Variants in PGBD2 observed in about 807,000 individuals in gnomAD.
PGBD2 encodes the protein piggyBac transposable element derived 2.
Under a neutral mutation model 8.1 loss-of-function variants are expected in PGBD2, and 6 were observed. That is an observed-to-expected ratio of 0.74 (90% CI 0.40 to 1.46). The LOEUF is 1.46. Among genes scored for constraint, PGBD2 ranks in the 40% most tolerant of loss-of-function variants. PGBD2 has a pLI of 0.02. For synonymous variants in PGBD2, 318 were observed against 272.2 expected (o/e 1.17, Z -1.66); for missense variants, 802 against 739.0 (o/e 1.09, Z -0.99).
At chr1:248,882,289 T>G in the PGBD2 span, among the ~76,000 whole-genome samples, 12,769 of 152,148 alleles carry the variant, frequency 0.084, 1,288 homozygotes, top group African/African-American at 0.24. Context: ...ATTATGAGGT[T>G]AGATGGTCAC....
chr1:248,888,495 T>C, the PGBD2 span, among the ~76,000 whole-genome samples: 1 of 152,242 alleles, frequency 6.6e-6, no homozygotes, highest in African/African-American at 2.4e-5. Context: ...CTCTGATGAT[T>C]AGTGATGTTG....
At chr1:248,877,080 T>G in the PGBD2 span, among the ~76,000 whole-genome samples, 2 of 152,182 alleles carry the variant, frequency 1.3e-5, no homozygotes, top group Admixed American at 1.3e-4. Flanking sequence ...TGTAATTCAT[T>G]AAAACAATAT....
chr1:248,913,850 T>C lies in PGBD2; in HGVS notation c.-13T>C. 2 of 1,607,334 alleles carry C rather than the reference T, an allele frequency of 1.2e-6. No individual in the cohort carries two copies. The highest frequency in any genetic ancestry group is 1.7e-4 in the Middle Eastern group (1 of 6,056). ...CTCTGTGAGTAAAGACAGCTTCATC[T>C]TCCCAGTTCATCATGGCTTCAACAT... On this transcript the variant is annotated 5_prime_UTR_variant, in exon 2 of 3. Transcript: ENST00000329291.
At position 248,918,861 on chromosome 1, in the gene PGBD2, G is replaced by A. The variant is rs982313839; in HGVS notation, c.*498G>A. On this transcript the variant is annotated 3_prime_UTR_variant, in exon 3 of 3. Coordinates refer to ENST00000329291, the MANE Select transcript of PGBD2 (RefSeq NM_170725.3). ...CCTTGTATTTAGTCAGAGGGCTAGA[G>A]GTGCAGATTTCATATTTTCTTAATG... The A allele has an allele frequency of 1.8e-5, 3 of 166,864 alleles. No homozygotes were observed. Among genetic ancestry groups the A allele is most frequent in the African/African-American group, 7.2e-5 (3 of 41,392 alleles). The allele number at this position is 166,864 out of a possible 1,614,324, so 10.3% of individuals were successfully genotyped here.
At chr1:248,905,149 A>T (rs905553332), upstream of PGBD2, among the ~76,000 whole-genome samples, 26 of 152,206 alleles carry the variant, frequency 1.7e-4, no homozygotes, top group African/African-American at 6.0e-4. Flanking sequence ...ACAAACTAAT[A>T]CGTGCCCTTC....
the PGBD2 span, among the ~76,000 whole-genome samples, chr1:248,891,982 G>A: frequency 2.0e-5 from 3 of 152,188 alleles, no homozygotes; most frequent in African/African-American, 7.2e-5. Flanking sequence ...AGAAAAAAAG[G>A]CGTCGCCTGT....
chr1:248,927,684 T>C, the PGBD2 span, among the ~76,000 whole-genome samples: 4 of 152,322 alleles, frequency 2.6e-5, no homozygotes, highest in South Asian at 8.3e-4. Flanking sequence ...CACCCTGTTT[T>C]AGAAAGCTCA....
intron 1 of PGBD2, among the ~76,000 whole-genome samples, chr1:248,906,758 G>C (rs996674158): frequency 6.6e-6 from 1 of 152,044 alleles, no homozygotes; most frequent in Non-Finnish European, 1.5e-5. Flanking sequence ...GCTCTGTGCC[G>C]GGGCGCGCTG....
the PGBD2 span, among the ~76,000 whole-genome samples, chr1:248,874,144 T>G: frequency 6.6e-6 from 1 of 152,188 alleles, no homozygotes; most frequent in African/African-American, 2.4e-5. Flanking sequence ...AGTCTGCATA[T>G]TCCCAAATGT....
the PGBD2 span, among the ~76,000 whole-genome samples, chr1:248,877,552 G>C: frequency 6.6e-6 from 1 of 152,156 alleles, no homozygotes; most frequent in Non-Finnish European, 1.5e-5. Context: ...AGAAATAATG[G>C]GGGCTTGGAT....
chr1:248,919,804 A>G (rs1172928779), downstream of PGBD2: 3 of 166,756 alleles, frequency 1.8e-5, no homozygotes, highest in Admixed American at 6.5e-5. Context: ...AGATATCTCA[A>G]TGTAGTTTTC....
chr1:248,881,580 T>C, the PGBD2 span, among the ~76,000 whole-genome samples: 38 of 152,252 alleles, frequency 2.5e-4, no homozygotes, highest in African/African-American at 9.2e-4. Context: ...TTATGATTAA[T>C]GATCTTATTA....
At chr1:248,911,790 C>CGGG (rs1661900048) in intron 1 of PGBD2, among the ~76,000 whole-genome samples, 2 of 148,882 alleles carry the variant, frequency 1.3e-5, no homozygotes, top group African/African-American at 2.4e-5. Flanking sequence ...GCTGGCCGGG[C>CGGG]GCTCCCCCAG....
chr1:248,907,526 G>A (rs533805628), intron 1 of PGBD2, among the ~76,000 whole-genome samples: 22 of 152,104 alleles, frequency 1.4e-4, no homozygotes, highest in Middle Eastern at 3.4e-3. Context: ...CCACGAGGCT[G>A]TATTTCAGAC....
At chr1:248,926,197 G>A in the PGBD2 span, among the ~76,000 whole-genome samples, 1 of 152,126 alleles carries the variant, frequency 6.6e-6, no homozygotes, top group Non-Finnish European at 1.5e-5. Context: ...CCAGGTCAGA[G>A]TGTGTCGGTC....
the PGBD2 span, among the ~76,000 whole-genome samples, chr1:248,873,791 C>T: frequency 6.6e-6 from 1 of 152,202 alleles, no homozygotes; most frequent in Non-Finnish European, 1.5e-5. Context: ...TCGGGTGTGA[C>T]GCGGCAGGCT....
chr1:248,919,013 A>T lies in PGBD2; in HGVS notation c.*650A>T, dbSNP rs1230862397. On this transcript the variant is annotated 3_prime_UTR_variant, in exon 3 of 3. Coordinates refer to ENST00000329291, the MANE Select transcript of PGBD2 (RefSeq NM_170725.3). ...GGTTACATGAGATATTCTGATACAA[A>T]CATGCAATGTATAAAAATCACATCA... 6.0e-6 allele frequency: 1 copy of T among 167,104 alleles called. No homozygotes were observed. 10.4% of individuals were successfully genotyped at this position (167,104 alleles called of 1,614,324 possible).
rs374088461 is a variant in PGBD2, at chr1:248,917,289, A to G, written c.705A>G (p.Glu235=). The change falls in exon 3 of 3, where the codon GAA becomes GAG. Residue 235 remains glutamate, a synonymous_variant. Coordinates refer to ENST00000329291, the MANE Select transcript of PGBD2 (RefSeq NM_170725.3). ...ACTTACATTTTGCAGATAACAACGA[A>G]CTTGATGCAAGTGATAGGTTTGCCA... ...FSYLHFADNN[E]LDASDRFAKV... 4.3e-6 allele frequency: 7 copies of G among 1,614,082 alleles called. No individual in the cohort carries two copies. The African/African-American group carries it at 9.3e-5, about 22-fold the overall frequency.
chr1:248,898,632 C>A, the PGBD2 span, among the ~76,000 whole-genome samples: 223 of 152,260 alleles, frequency 1.5e-3, 4 homozygotes, highest in African/African-American at 4.5e-3. Flanking sequence ...AAGGAAAAAC[C>A]GTTACCAGCC....
Sources: allele counts gnomAD v4.1 joint callset (sites outside exome capture counted in the v4.1 genomes callset), GRCh38; gene constraint gnomAD v4.1.1; transcripts MANE v1.5; gene names NCBI Gene and HGNC (gene_info 2026-07-23, HGNC 2026-07-21).